Variants in OSBPL9 observed in about 807,000 individuals in gnomAD.
OSBPL9 encodes oxysterol binding protein like 9.
OSBPL9 carries 40 observed loss-of-function variants against 106.6 expected under a neutral mutation model. The observed-to-expected ratio is 0.38, with a 90% CI of 0.29 to 0.49. OSBPL9 has a LOEUF of 0.49. Ranked by LOEUF, OSBPL9 falls within the 20% of genes least tolerant of loss-of-function variation. The pLI, the probability that OSBPL9 is intolerant of heterozygous loss-of-function variation, is 0.97. For missense variants in OSBPL9, 609 were observed against 887.2 expected (o/e 0.69, Z 3.98); for synonymous variants, 269 against 295.4 (o/e 0.91, Z 0.92).
intron 2 of OSBPL9, among the ~76,000 whole-genome samples, chr1:51,659,961 G>A (rs1557652579): frequency 1.3e-5 from 2 of 152,030 alleles, no homozygotes; most frequent in Non-Finnish European, 2.9e-5. Flanking sequence ...AAAATGGTAT[G>A]GTGGTGTTAT....
chr1:51,557,306 G>T, the OSBPL9 span, among the ~76,000 whole-genome samples: 1 of 152,114 alleles, frequency 6.6e-6, no homozygotes, highest in Non-Finnish European at 1.5e-5. Flanking sequence ...TTAACAATTG[G>T]TTTTTAAAAT....
intron 3 of OSBPL9, among the ~76,000 whole-genome samples, chr1:51,712,089 C>G (rs1174609238): frequency 6.6e-6 from 1 of 152,042 alleles, no homozygotes; most frequent in Non-Finnish European, 1.5e-5. Context: ...TGTAGCGAGC[C>G]GAGATCACGC....
chr1:51,568,324 T>G, the OSBPL9 span, among the ~76,000 whole-genome samples: 1 of 152,316 alleles, frequency 6.6e-6, no homozygotes, highest in East Asian at 1.9e-4. Flanking sequence ...TCCCCCACTT[T>G]TAGCTGGGAA....
At chr1:51,619,509 A>G (rs1644295321) in intron 1 of OSBPL9, among the ~76,000 whole-genome samples, 1 of 148,358 alleles carries the variant, frequency 6.7e-6, no homozygotes. Flanking sequence ...TCCCTAAAAT[A>G]TTATCCTTGC....
At chr1:51,701,289 A>C (rs1016255322) in intron 3 of OSBPL9, among the ~76,000 whole-genome samples, 7 of 152,182 alleles carry the variant, frequency 4.6e-5, no homozygotes, top group Non-Finnish European at 8.8e-5. Context: ...CTACTTATTT[A>C]CTTATTCAAT....
At chr1:51,572,420 C>T (rs535867675), upstream of OSBPL9, among the ~76,000 whole-genome samples, 1 of 152,000 alleles carries the variant, frequency 6.6e-6, no homozygotes, top group East Asian at 1.9e-4. Flanking sequence ...TAAGAATTGC[C>T]GAAATTATGC....
upstream of OSBPL9, among the ~76,000 whole-genome samples, chr1:51,614,754 T>C (rs1644013496): frequency 1.3e-5 from 2 of 152,144 alleles, no homozygotes; most frequent in African/African-American, 4.8e-5. Flanking sequence ...TCTTTACCCA[T>C]AGGAGCTCAC....
chr1:51,787,532 T>C (rs370026077), intron 23 of OSBPL9, 44 bp downstream of exon 23: 96 of 1,610,676 alleles, frequency 6.0e-5, no homozygotes, highest in Non-Finnish European at 7.8e-5. Context: ...TTCCTCCTAA[T>C]TTATTTCAGT....
intron 3 of OSBPL9, among the ~76,000 whole-genome samples, chr1:51,711,914 T>G (rs923928809): frequency 1.3e-5 from 2 of 151,148 alleles, no homozygotes; most frequent in Non-Finnish European, 2.9e-5. Flanking sequence ...GCAGAGATGC[T>G]CCTCACTTTC....
At chr1:51,526,968 TCTC>T in the OSBPL9 span, among the ~76,000 whole-genome samples, 1 of 152,024 alleles carries the variant, frequency 6.6e-6, no homozygotes, top group African/African-American at 2.4e-5. Flanking sequence ...ATACTCTTGA[TCTC>T]CTGACCTCGT....
chr1:51,715,735 A>C (rs1387162229), intron 4 of OSBPL9, among the ~76,000 whole-genome samples: 1 of 152,208 alleles, frequency 6.6e-6, no homozygotes, highest in Non-Finnish European at 1.5e-5. Flanking sequence ...ACATAAACCT[A>C]GAGTGCTATT....
Position 51,784,782 on chromosome 1 carries a change from C to T in OSBPL9, c.1829+200C>T, listed in dbSNP as rs982402468. The T allele has an allele frequency of 1.0e-4, 64 of 623,668 alleles. No individual in the cohort carries two copies. The African/African-American group carries it at 1.2e-3, about 11-fold the overall frequency. The allele number at this position is 623,668 out of a possible 1,614,324, so 38.6% of individuals were successfully genotyped here. ...ACATATATTCAGAGCAGTCAGAGGT[C>T]ATTGATAGGTTTCCTTCCTAAAAAC... On this transcript the variant is annotated intron_variant, in intron 20 of 23. Transcript: ENST00000428468.
chr1:51,520,294 C>A, the OSBPL9 span, among the ~76,000 whole-genome samples: 1 of 152,212 alleles, frequency 6.6e-6, no homozygotes, highest in Non-Finnish European at 1.5e-5. Context: ...CATCCTACAC[C>A]TTCTGATGCT....
chr1:51,733,120 T>G (rs1466729031), intron 4 of OSBPL9, among the ~76,000 whole-genome samples: 2 of 152,238 alleles, frequency 1.3e-5, no homozygotes, highest in Admixed American at 1.3e-4. Flanking sequence ...TGTGTGCTAC[T>G]ACAGCACTTT....
chr1:51,613,151 G>C (rs1644001103), upstream of OSBPL9, among the ~76,000 whole-genome samples: 1 of 152,170 alleles, frequency 6.6e-6, no homozygotes, highest in African/African-American at 2.4e-5. Context: ...CTAGTTTCTA[G>C]GACTACAAAG....
chr1:51,705,615 A>G lies in OSBPL9; in HGVS notation c.242-8388A>G, dbSNP rs113437508. Among the ~76,000 whole-genome samples, 1,073 of 151,420 alleles carry G rather than the reference A, an allele frequency of 7.1e-3. 9 individuals carry two copies. The highest frequency in any genetic ancestry group is 0.025 in the African/African-American group (1,032 of 41,240). On this transcript the variant is annotated intron_variant, in intron 3 of 23. Coordinates refer to ENST00000428468, the MANE Select transcript of OSBPL9 (RefSeq NM_024586.6). ...TTTTTAGTAGAGTTGGGGTTTCTCC[A>G]TGTTGGTCAGGCTCATCTGGAACTC... is the stretch of plus-strand genomic sequence containing the variant.
At chr1:51,553,050 G>C in the OSBPL9 span, among the ~76,000 whole-genome samples, 1 of 151,846 alleles carries the variant, frequency 6.6e-6, no homozygotes, top group African/African-American at 2.4e-5. Context: ...GGGTAATCAA[G>C]TATTGGCCAC....
intron 23 of OSBPL9, 75 bp downstream of exon 23, chr1:51,787,563 G>A: frequency 6.2e-7 from 1 of 1,605,512 alleles, no homozygotes; most frequent in Non-Finnish European, 8.5e-7. Context: ...GAAGTGATGT[G>A]CCAAACACTG....
intron 4 of OSBPL9, among the ~76,000 whole-genome samples, chr1:51,744,139 AAT>A (rs1228141795): frequency 6.6e-6 from 1 of 152,144 alleles, no homozygotes; most frequent in African/African-American, 2.4e-5. Context: ...CCATGGTCTT[AAT>A]AGGACTTAGA....
Sources: gnomAD v4.1 joint callset for allele counts (sites outside exome capture counted in the v4.1 genomes callset) on GRCh38, gnomAD v4.1.1 for gene constraint, MANE v1.5 for transcripts, NCBI Gene and HGNC (gene_info 2026-07-23, HGNC 2026-07-21) for gene names.